Variants in CFTR observed in about 807,000 individuals in gnomAD.
CFTR encodes the protein cystic fibrosis transmembrane conductance regulator.
A neutral mutation model predicts 171.6 loss-of-function variants in CFTR; 181 were observed. That is an observed-to-expected ratio of 1.05 (90% CI 0.93 to 1.19). CFTR has a LOEUF of 1.19. Ranked by LOEUF, CFTR falls within the 50% of genes most tolerant of loss-of-function variation. The pLI is 0.00. For synonymous variants in CFTR, 583 were observed against 608.0 expected, an observed-to-expected ratio of 0.96 and a Z score of 0.60; for missense variants, 1,968 against 1,734.7, an observed-to-expected ratio of 1.13 and a Z score of -2.39.
chr7:117,591,119 A>G (rs929598558), intron 13 of CFTR, among the ~76,000 whole-genome samples: 1 of 152,184 alleles, frequency 6.6e-6, no homozygotes, highest in Non-Finnish European at 1.5e-5. Context: ...GTATATGTAT[A>G]TAAAATGGCT....
At chr7:117,634,647 T>G (rs1424090797) in intron 22 of CFTR, among the ~76,000 whole-genome samples, 1 of 152,122 alleles carries the variant, frequency 6.6e-6, no homozygotes, top group Non-Finnish European at 1.5e-5. Context: ...TCATGAGTTG[T>G]ATTTTCATGT....
intron 11 of CFTR, among the ~76,000 whole-genome samples, chr7:117,580,792 T>C (rs1791838258): frequency 6.6e-6 from 1 of 152,146 alleles, no homozygotes; most frequent in African/African-American, 2.4e-5. Flanking sequence ...TATCCTGATA[T>C]TGACTTATCG....
At chr7:117,612,260 CAG>C (rs1554392493) in intron 20 of CFTR, among the ~76,000 whole-genome samples, 1 of 149,668 alleles carries the variant, frequency 6.7e-6, no homozygotes, top group East Asian at 2.0e-4. Flanking sequence ...CACACACACA[CAG>C]AGTTCCTCTT....
intron 11 of CFTR, among the ~76,000 whole-genome samples, chr7:117,576,816 G>A (rs1031128463): frequency 6.6e-6 from 1 of 152,068 alleles, no homozygotes; most frequent in Non-Finnish European, 1.5e-5. Context: ...ACCCTCACTA[G>A]ATTGTAAGCT....
chr7:117,666,852 C>A, intron 26 of CFTR, 56 bp from the exon 27 acceptor site: 1 of 1,489,842 alleles, frequency 6.7e-7, no homozygotes, highest in Non-Finnish European at 9.4e-7. Context: ...GTTTCTGTCC[C>A]TGCTCTGGTC....
Position 117,627,703 on chromosome 7 carries a change from C to A in CFTR, c.3650C>A (p.Ala1217Glu). The change falls in exon 22 of 27, where the codon GCA becomes GAA. Residue 1217 changes from alanine (A) to glutamate (E), a missense_variant. By Grantham distance (107) the Ala-to-Glu change is moderately radical. Coordinates refer to ENST00000003084, the MANE Select transcript of CFTR (RefSeq NM_000492.4). ...CAAATGACTGTCAAAGATCTCACAGCAAAATACACAGAAGGTGGAAATGCC... is the reference window on the plus strand; with the variant it reads ...CAAATGACTGTCAAAGATCTCACAGAAAAATACACAGAAGGTGGAAATGCC... Reference protein sequence around the residue: ...GGQMTVKDLTAKYTEGGNAIL... With the variant: ...GGQMTVKDLTEKYTEGGNAIL... The A allele has an allele frequency of 6.2e-7, 1 of 1,613,162 alleles. No homozygotes were observed. Among genetic ancestry groups the A allele is most frequent in the Non-Finnish European group, 8.5e-7 (1 of 1,179,428 alleles).
intron 22 of CFTR, among the ~76,000 whole-genome samples, chr7:117,637,625 C>T (rs1792847401): frequency 6.6e-6 from 1 of 151,998 alleles, no homozygotes; most frequent in Non-Finnish European, 1.5e-5. Context: ...GCCTGTAATC[C>T]CCGCACTTTG....
At chr7:117,537,239 G>A (rs1326469682) in intron 7 of CFTR, among the ~76,000 whole-genome samples, 2 of 152,170 alleles carry the variant, frequency 1.3e-5, no homozygotes, top group Admixed American at 1.3e-4. Context: ...GATAGAATCA[G>A]TACTTGGCAC....
At chr7:117,543,823 G>A (rs1321403192) in intron 9 of CFTR, among the ~76,000 whole-genome samples, 2 of 152,138 alleles carry the variant, frequency 1.3e-5, no homozygotes, top group East Asian at 1.9e-4. Flanking sequence ...TCCTGTTTGC[G>A]ACTTCAACGT....
chr7:117,580,234 T>C (rs960738273), intron 11 of CFTR, among the ~76,000 whole-genome samples: 1 of 152,028 alleles, frequency 6.6e-6, no homozygotes, highest in African/African-American at 2.4e-5. Context: ...TAAAAATGAA[T>C]GTATAACACA....
At chr7:117,622,100 A>T (rs1463262773) in intron 21 of CFTR, among the ~76,000 whole-genome samples, 2 of 152,210 alleles carry the variant, frequency 1.3e-5, no homozygotes, top group African/African-American at 4.8e-5. Context: ...TAAAATATGT[A>T]AACCATTTCT....
intron 3 of CFTR, 85 bp downstream of exon 3, chr7:117,509,227 A>G (rs867683852): frequency 3.6e-6 from 3 of 842,724 alleles, no homozygotes; most frequent in Non-Finnish European, 6.1e-6. Context: ...AATCTGGTGA[A>G]TAGGTGTAAA....
intron 11 of CFTR, among the ~76,000 whole-genome samples, chr7:117,579,225 T>TAAA (rs1791816183): frequency 6.6e-6 from 1 of 152,028 alleles, no homozygotes; most frequent in Non-Finnish European, 1.5e-5. Flanking sequence ...AAATAAGATC[T>TAAA]GGATGAATAG....
Position 117,601,537 on chromosome 7 carries a change from G to A in CFTR, c.2620-1289G>A, listed in dbSNP as rs186995364. Among the ~76,000 whole-genome samples, 3 of 151,968 alleles carry A rather than the reference G, an allele frequency of 2.0e-5. No individual in the cohort carries two copies. The East Asian group carries it at 5.8e-4, about 29-fold the overall frequency. On this transcript the variant is annotated intron_variant, in intron 15 of 26. Transcript: ENST00000003084. ...TTTTTTTTATATAAACTTAAGTACTGTTAAATATTTAAGGCAAATTCAGGT... is the reference window on the plus strand; with the variant it reads ...TTTTTTTTATATAAACTTAAGTACTATTAAATATTTAAGGCAAATTCAGGT...
At chr7:117,631,207 T>G (rs905685706) in intron 22 of CFTR, among the ~76,000 whole-genome samples, 1 of 152,150 alleles carries the variant, frequency 6.6e-6, no homozygotes, top group African/African-American at 2.4e-5. Flanking sequence ...GATTTTGCTA[T>G]TAGGTGCTAT....
intron 3 of CFTR, among the ~76,000 whole-genome samples, chr7:117,509,441 T>C (rs1798478542): frequency 6.6e-6 from 1 of 152,160 alleles, no homozygotes; most frequent in South Asian, 2.1e-4. Context: ...GTACATGAGA[T>C]TACTGGTGCC....
intron 22 of CFTR, among the ~76,000 whole-genome samples, chr7:117,635,150 A>T (rs117022476): frequency 7.2e-5 from 11 of 152,288 alleles, no homozygotes; most frequent in Non-Finnish European, 1.0e-4. Flanking sequence ...AAACATACAC[A>T]TGAAGAATTG....
At chr7:117,529,123 C>A (rs1223751004) in intron 3 of CFTR, among the ~76,000 whole-genome samples, 1 of 80,422 alleles carries the variant, frequency 1.2e-5, no homozygotes, top group Non-Finnish European at 2.1e-5. Flanking sequence ...ACCCAAATGT[C>A]CAACAATGAT....
rs755566285 is a variant in CFTR at position 117,606,658 on chromosome 7, A to G, written c.2909-16A>G. The G allele has an allele frequency of 1.5e-6, 2 of 1,368,566 alleles. No homozygotes were observed. The highest frequency in any genetic ancestry group is 2.1e-6 in the Non-Finnish European group (2 of 956,732). The allele number at this position is 1,368,566 out of a possible 1,614,324, so 84.8% of individuals were successfully genotyped here. A position where few individuals can be genotyped will look rare whatever the true frequency, so the allele number is the denominator to read the frequency against. ...ATTAGTGTTTTTTGAGGAATTTGTC[A>G]TCTTGTATATTATAGGTGGGATTCT... On this transcript the variant is annotated splice_polypyrimidine_tract_variant and intron_variant, in intron 17 of 26. Transcript: ENST00000003084.
Sources: gnomAD v4.1 joint callset for allele counts (sites outside exome capture counted in the v4.1 genomes callset) on GRCh38, gnomAD v4.1.1 for gene constraint, MANE v1.5 for transcripts, NCBI Gene and HGNC (gene_info 2026-07-23, HGNC 2026-07-21) for gene names.